Variants in AP3B1 observed in about 807,000 individuals in gnomAD.
AP3B1 encodes the protein AP-3 complex subunit beta-1.
Under a neutral mutation model 132.5 loss-of-function variants are expected in AP3B1, and 61 were observed. That is an observed-to-expected ratio of 0.46 (90% confidence interval 0.37 to 0.57). AP3B1 has a LOEUF of 0.57. Ranked by LOEUF, AP3B1 falls within the 20% of genes least tolerant of loss-of-function variation. The probability of loss-of-function intolerance (pLI) is 0.00; values close to 1 mark genes in which losing one functional copy is unlikely to be tolerated. For missense variants in AP3B1, 1,120 were observed against 1,289.4 expected (o/e 0.87, Z 2.01); for synonymous variants, 388 against 438.3 (o/e 0.89, Z 1.43).
intron 14 of AP3B1, among the ~76,000 whole-genome samples, chr5:78,149,776 T>C (rs1277980082): frequency 1.3e-5 from 2 of 152,186 alleles, no homozygotes; most frequent in Non-Finnish European, 2.9e-5. Context: ...CAAATTACTC[T>C]CTTAACCCCT....
chr5:78,055,507 G>T (rs369066656), intron 22 of AP3B1, among the ~76,000 whole-genome samples: 1 of 152,270 alleles, frequency 6.6e-6, no homozygotes, highest in African/African-American at 2.4e-5. Context: ...TGTGTTGCTG[G>T]TGAAAGTCTC....
chr5:78,223,076 T>G (rs1344405058), intron 6 of AP3B1, among the ~76,000 whole-genome samples: 1 of 148,370 alleles, frequency 6.7e-6, no homozygotes, highest in Non-Finnish European at 1.5e-5. Flanking sequence ...CCCAGGATGG[T>G]CTCGAACTCC....
intron 22 of AP3B1, among the ~76,000 whole-genome samples, chr5:78,064,077 TAA>T (rs539194896): frequency 7.0e-6 from 1 of 143,860 alleles, no homozygotes. Flanking sequence ...CAGTGGACAT[TAA>T]AAAAAAAAGG....
chr5:78,097,050 G>A lies in AP3B1; in HGVS notation c.2470+3903C>T, dbSNP rs1462378961. Among the ~76,000 whole-genome samples the A allele has an allele frequency of 2.4e-5, 3 of 126,868 alleles. 1 individual carries two copies. Among genetic ancestry groups the A allele is most frequent in the Admixed American group, 1.5e-4 (2 of 13,494 alleles). The allele number at this position is 126,868 out of a possible 152,430, so 83.2% of individuals were successfully genotyped here. On this transcript the variant is annotated intron_variant, in intron 21 of 26. Transcript: ENST00000255194. Reference sequence around the variant, plus strand: ...CCCCGCCCGGCCAGCCGCCCCGTCCGGGAGGGAGGTTGGGGGGTCAGCCCC... The same window carrying A: ...CCCCGCCCGGCCAGCCGCCCCGTCCAGGAGGGAGGTTGGGGGGTCAGCCCC...
intron 7 of AP3B1, among the ~76,000 whole-genome samples, chr5:78,205,432 C>T (rs898499120): frequency 1.3e-5 from 2 of 150,962 alleles, no homozygotes; most frequent in Non-Finnish European, 3.0e-5. Context: ...TATATATATA[C>T]ATATATATAT....
chr5:78,053,678 CAAAA>C (rs1166305470), intron 22 of AP3B1, among the ~76,000 whole-genome samples: 2 of 75,590 alleles, frequency 2.6e-5, no homozygotes, highest in Non-Finnish European at 4.9e-5. Context: ...GACTCCATCT[CAAAA>C]AAAAAAAAAA....
At chr5:78,278,426 C>T (rs1748880647) in intron 1 of AP3B1, among the ~76,000 whole-genome samples, 1 of 135,238 alleles carries the variant, frequency 7.4e-6, no homozygotes, top group African/African-American at 2.5e-5. Flanking sequence ...GGTGAAACCC[C>T]GTCTCTACTA....
chr5:78,160,969 C>T (rs570995434), intron 13 of AP3B1, among the ~76,000 whole-genome samples: 22 of 151,112 alleles, frequency 1.5e-4, no homozygotes, highest in African/African-American at 5.3e-4. Context: ...TCTGACAATA[C>T]AATTTAAGTT....
At chr5:78,250,688 T>C (rs371537600) in intron 2 of AP3B1, among the ~76,000 whole-genome samples, 2 of 152,160 alleles carry the variant, frequency 1.3e-5, no homozygotes, top group East Asian at 3.9e-4. Flanking sequence ...ATAAATTATA[T>C]GGGGAAAAAG....
At chr5:78,134,195 A>T (rs1230775197) in intron 15 of AP3B1, among the ~76,000 whole-genome samples, 1 of 151,468 alleles carries the variant, frequency 6.6e-6, no homozygotes, top group Non-Finnish European at 1.5e-5. Flanking sequence ...GACTTCTCAA[A>T]ATACTCTGAC....
At position 78,175,980 on chromosome 5, in the gene AP3B1, T is replaced by C; in HGVS notation, c.1041-142A>G. On this transcript the variant is annotated intron_variant, in intron 9 of 26. Coordinates refer to ENST00000255194, the MANE Select transcript of AP3B1 (RefSeq NM_003664.5). The stretch of plus-strand genomic sequence containing the variant: ...GTAATAATGAAAAGTTTTTAGTAAA[T>C]CTTAGATGTGTGTCTTTTTAACGCA... The C allele has an allele frequency of 5.7e-6, 4 of 705,418 alleles. No homozygotes were observed. In the East Asian group the frequency reaches 1.0e-4, roughly 18 times the overall value. 43.7% of individuals were successfully genotyped at this position (705,418 alleles called of 1,614,324 possible). A position where few individuals can be genotyped will look rare whatever the true frequency, so the allele number is the denominator to read the frequency against.
chr5:78,217,991 G>A (rs148511802), intron 6 of AP3B1, among the ~76,000 whole-genome samples: 1 of 151,850 alleles, frequency 6.6e-6, no homozygotes, highest in Non-Finnish European at 1.5e-5. Context: ...AGAGCTACAT[G>A]TACACAATAA....
In AP3B1 at chr5:78,089,385, T is replaced by TA. The variant is rs1339058851; in HGVS notation, c.2577+7dup. Reference sequence around the variant, plus strand: ...AAACCGAGCTGGTGGATTTTAAAAATAACTTACACTGATGACTGAAGAGGA... The same window carrying TA: ...AAACCGAGCTGGTGGATTTTAAAAATAAACTTACACTGATGACTGAAGAGGA... On this transcript the variant is annotated splice_region_variant and intron_variant, in intron 22 of 26. Coordinates refer to ENST00000255194, the MANE Select transcript of AP3B1 (RefSeq NM_003664.5). 1 of 1,590,644 alleles carries TA rather than the reference T, an allele frequency of 6.3e-7. No homozygotes were observed. The highest frequency in any genetic ancestry group is 8.6e-7 in the Non-Finnish European group (1 of 1,158,950).
chr5:78,026,331 A>G (rs1417726501), intron 24 of AP3B1, among the ~76,000 whole-genome samples: 1 of 152,234 alleles, frequency 6.6e-6, no homozygotes, highest in Non-Finnish European at 1.5e-5. Flanking sequence ...TAACTGTAGC[A>G]TATATTCTTG....
At chr5:78,271,922 T>C (rs1748560840) in intron 1 of AP3B1, among the ~76,000 whole-genome samples, 1 of 152,176 alleles carries the variant, frequency 6.6e-6, no homozygotes, top group African/African-American at 2.4e-5. Flanking sequence ...TGGAAGAAAA[T>C]CTGCATCTGT....
chr5:78,228,059 G>A (rs1426464349), intron 4 of AP3B1, 85 bp downstream of exon 4: 2 of 889,896 alleles, frequency 2.2e-6, no homozygotes, highest in East Asian at 2.6e-5. Flanking sequence ...GCTATTTAGT[G>A]GATTATCGCT....
chr5:78,072,712 CTTTTTTTTTTTTTT>C (rs34203981), intron 22 of AP3B1, among the ~76,000 whole-genome samples: 8 of 68,264 alleles, frequency 1.2e-4, no homozygotes, highest in South Asian at 1.3e-3. Context: ...CTGATATATT[CTTTTTTTTTTTTTT>C]TTTTTTTTTT....
intron 6 of AP3B1, among the ~76,000 whole-genome samples, chr5:78,219,655 C>G (rs1056433787): frequency 6.6e-6 from 1 of 151,898 alleles, no homozygotes; most frequent in African/African-American, 2.4e-5. Flanking sequence ...ATTCATATGA[C>G]ACATACTGGT....
rs139223855 is a variant in AP3B1 at position 78,104,369 on chromosome 5, G to T, written c.2398-3344C>A. Reference sequence around the variant, plus strand: ...AACAGATCTTTTCCTATTAGAGTACGCCTACTTCAATAAGAAAGCCTGCTT... The same window carrying T: ...AACAGATCTTTTCCTATTAGAGTACTCCTACTTCAATAAGAAAGCCTGCTT... On this transcript the variant is annotated intron_variant, in intron 20 of 26. Coordinates refer to ENST00000255194, the MANE Select transcript of AP3B1 (RefSeq NM_003664.5). 8.9e-3 allele frequency among the ~76,000 whole-genome samples: 1,358 copies of T among 152,086 alleles called. 17 individuals carry two copies. Among genetic ancestry groups the T allele is most frequent in the African/African-American group, 0.024 (992 of 41,502 alleles).
Sources: gnomAD v4.1 joint callset for allele counts (sites outside exome capture counted in the v4.1 genomes callset) on GRCh38, gnomAD v4.1.1 for gene constraint, MANE v1.5 for transcripts, NCBI Gene and HGNC (gene_info 2026-07-23, HGNC 2026-07-21) for gene names.